Variants in NRG3 observed in about 807,000 individuals in gnomAD.
NRG3 encodes the protein neuregulin 3, also known as pro-neuregulin-3, membrane-bound isoform.
A neutral mutation model predicts 66.9 loss-of-function variants in NRG3; 31 were observed. That is an observed-to-expected ratio of 0.46 (90% CI 0.35 to 0.63). The LOEUF (loss-of-function observed/expected upper bound fraction) is 0.63, where lower values mean the gene tolerates loss of function less well. NRG3 is among the 20% of genes least tolerant of loss of function. The pLI, the probability that NRG3 is intolerant of heterozygous loss-of-function variation, is 0.00. For missense variants in NRG3, 910 were observed against 878.9 expected (o/e 1.04, Z -0.45); for synonymous variants, 393 against 359.4 (o/e 1.09, Z -1.06).
At chr10:81,882,700 T>G (rs944167726) in intron 1 of NRG3, among the ~76,000 whole-genome samples, 1 of 152,192 alleles carries the variant, frequency 6.6e-6, no homozygotes, top group Non-Finnish European at 1.5e-5. Flanking sequence ...CATCAGACTA[T>G]TGAATTCGGT....
intron 2 of NRG3, among the ~76,000 whole-genome samples, chr10:82,619,412 C>A (rs1165945130): frequency 1.3e-5 from 2 of 152,078 alleles, no homozygotes; most frequent in African/African-American, 4.8e-5. Context: ...TCCTGGGGAC[C>A]ATGGAAACTA....
rs543522102 is a variant in NRG3 at position 82,894,815 on chromosome 10, G to T, written c.1054+29378G>T. On this transcript the variant is annotated intron_variant, in intron 4 of 8. Coordinates refer to ENST00000372141, the MANE Select transcript of NRG3 (RefSeq NM_001010848.4). ...AAATAGGTACACATGTGCCATGGTGGTTTGCTGCACCCATCAACCCGTCAT... is the reference window on the plus strand; with the variant it reads ...AAATAGGTACACATGTGCCATGGTGTTTTGCTGCACCCATCAACCCGTCAT... Among the ~76,000 whole-genome samples, 154 of 152,144 alleles carry T rather than the reference G, an allele frequency of 1.0e-3. No homozygotes were observed. The Middle Eastern group carries it at 0.01, about 10-fold the overall frequency.
At chr10:82,834,633 C>A (rs1245510846) in intron 3 of NRG3, among the ~76,000 whole-genome samples, 1 of 152,168 alleles carries the variant, frequency 6.6e-6, no homozygotes, top group Non-Finnish European at 1.5e-5. Context: ...GTCTTTATTC[C>A]TTAATACCAT....
At chr10:82,709,509 G>A (rs2056527557) in intron 2 of NRG3, among the ~76,000 whole-genome samples, 1 of 152,060 alleles carries the variant, frequency 6.6e-6, no homozygotes, top group Admixed American at 6.6e-5. Flanking sequence ...AGCCTCCTGA[G>A]TAGCTGGGAC....
At position 82,281,650 on chromosome 10, in the gene NRG3, T is replaced by G. The variant is rs75999756; in HGVS notation, c.824-77089T>G. 6.4e-3 allele frequency among the ~76,000 whole-genome samples: 970 copies of G among 152,200 alleles called. 8 individuals are homozygous for G. The highest frequency in any genetic ancestry group is 0.023 in the African/African-American group (935 of 41,526). On this transcript the variant is annotated intron_variant, in intron 1 of 8. Coordinates refer to ENST00000372141, the MANE Select transcript of NRG3 (RefSeq NM_001010848.4). The stretch of plus-strand genomic sequence containing the variant: ...CCTGTAATTGAGTCCTGACAGTGAA[T>G]CTAAATTCCATTTTACACCAAGAAA...
intron 1 of NRG3, among the ~76,000 whole-genome samples, chr10:82,003,987 A>AC (rs1216836081): frequency 6.3e-4 from 80 of 126,072 alleles, no homozygotes; most frequent in African/African-American, 2.6e-3. Context: ...ACCTGACTGA[A>AC]AACACACACA....
intron 2 of NRG3, among the ~76,000 whole-genome samples, chr10:82,444,607 G>A (rs1001889740): frequency 6.6e-6 from 1 of 152,148 alleles, no homozygotes; most frequent in Non-Finnish European, 1.5e-5. Flanking sequence ...ATTAGAGCTA[G>A]ACAGGACCAA....
At chr10:82,826,500 A>G (rs2483308) in intron 3 of NRG3, among the ~76,000 whole-genome samples, 39,410 of 152,198 alleles carry the variant, frequency 0.26, 5,675 homozygotes, top group African/African-American at 0.37. Context: ...GGAAACACAC[A>G]TAATCAACTT....
At chr10:82,186,518 G>T (rs190158036) in intron 1 of NRG3, among the ~76,000 whole-genome samples, 3 of 152,230 alleles carry the variant, frequency 2.0e-5, no homozygotes, top group Non-Finnish European at 2.9e-5. Flanking sequence ...TGACAAATTT[G>T]CAGGGTATGT....
chr10:82,345,728 C>T (rs550205191), intron 1 of NRG3, among the ~76,000 whole-genome samples: 3 of 152,006 alleles, frequency 2.0e-5, no homozygotes, highest in Admixed American at 6.5e-5. Flanking sequence ...TTTGTATCCT[C>T]TTTTATTTCC....
chr10:82,880,093 G>A (rs1842177998), intron 4 of NRG3, among the ~76,000 whole-genome samples: 1 of 151,066 alleles, frequency 6.6e-6, no homozygotes, highest in South Asian at 2.1e-4. Context: ...AGAGGAAAGA[G>A]AATGAATGTT....
At chr10:82,182,025 T>C (rs2073455393) in intron 1 of NRG3, among the ~76,000 whole-genome samples, 1 of 151,886 alleles carries the variant, frequency 6.6e-6, no homozygotes, top group South Asian at 2.1e-4. Context: ...TTGTGACAGT[T>C]TTTGACTTAA....
chr10:82,075,965 A>AC (rs1554820292), intron 1 of NRG3, among the ~76,000 whole-genome samples: 1 of 151,334 alleles, frequency 6.6e-6, no homozygotes, highest in Non-Finnish European at 1.5e-5. Context: ...AAAAAAAAAA[A>AC]CGATCATTTA....
intron 2 of NRG3, among the ~76,000 whole-genome samples, chr10:82,397,010 A>G (rs2136013080): frequency 6.6e-6 from 1 of 152,246 alleles, no homozygotes; most frequent in South Asian, 2.1e-4. Flanking sequence ...TCTTTCTGTG[A>G]GTCTCCAATG....
chr10:82,407,938 G>A (rs900480374), intron 2 of NRG3, among the ~76,000 whole-genome samples: 1 of 151,526 alleles, frequency 6.6e-6, no homozygotes, highest in Non-Finnish European at 1.5e-5. Context: ...GCATGATGGT[G>A]CGTGCCTCTA....
Position 82,803,716 on chromosome 10 carries a change from C to A in NRG3, c.1028-61695C>A, listed in dbSNP as rs537373771. Reference sequence around the variant, plus strand: ...CAAGTCAGACATGCCCATGATGAAGCGTAAATATGTATTTTGAGTTATAAA... The same window carrying A: ...CAAGTCAGACATGCCCATGATGAAGAGTAAATATGTATTTTGAGTTATAAA... On this transcript the variant is annotated intron_variant, in intron 3 of 8. Transcript: ENST00000372141. Among the ~76,000 whole-genome samples, 3 of 151,688 alleles carry A rather than the reference C, an allele frequency of 2.0e-5. No homozygotes were observed. In the South Asian group the frequency reaches 6.3e-4, roughly 32 times the overall value.
At chr10:82,308,830 C>T (rs1163954285) in intron 1 of NRG3, among the ~76,000 whole-genome samples, 1 of 152,142 alleles carries the variant, frequency 6.6e-6, no homozygotes, top group Non-Finnish European at 1.5e-5. Flanking sequence ...TAAGCTAGAG[C>T]CGTGCGGTGG....
chr10:82,214,273 G>A (rs1215390196), intron 1 of NRG3, among the ~76,000 whole-genome samples: 1 of 152,012 alleles, frequency 6.6e-6, no homozygotes, highest in Non-Finnish European at 1.5e-5. Context: ...GAAAGCTGAG[G>A]GGTTTATGGT....
At chr10:82,823,943 C>T (rs1355048075) in intron 3 of NRG3, among the ~76,000 whole-genome samples, 23 of 152,024 alleles carry the variant, frequency 1.5e-4, no homozygotes, top group Admixed American at 1.5e-3. Context: ...TATCTAATTC[C>T]AGAGTTCTCA....
Sources: gnomAD v4.1 joint callset for allele counts (sites outside exome capture counted in the v4.1 genomes callset) on GRCh38, gnomAD v4.1.1 for gene constraint, MANE v1.5 for transcripts, NCBI Gene and HGNC (gene_info 2026-07-23, HGNC 2026-07-21) for gene names.